Variants in MYT1L observed in about 807,000 individuals in gnomAD.
MYT1L encodes the protein myelin transcription factor 1 like, also known as myelin transcription factor 1-like protein.
MYT1L carries 12 observed loss-of-function variants against 126.7 expected under a neutral mutation model. That is an observed-to-expected ratio of 0.09 (90% CI 0.06 to 0.15). MYT1L has a LOEUF of 0.15. Ranked by LOEUF, MYT1L falls within the 10% of genes least tolerant of loss-of-function variation. The probability of loss-of-function intolerance (pLI) is 1.00; values close to 1 mark genes in which losing one functional copy is unlikely to be tolerated. For missense variants in MYT1L, 979 were observed against 1,585.2 expected (o/e 0.62, Z 6.49); for synonymous variants, 541 against 604.2 (o/e 0.90, Z 1.53).
In MYT1L at chr2:1,806,720, C is replaced by T. The variant is rs1172714521; in HGVS notation, c.3172+2356G>A. Among the ~76,000 whole-genome samples, 1 of 152,158 alleles carries T rather than the reference C, an allele frequency of 6.6e-6. No homozygotes were observed. Among genetic ancestry groups the T allele is most frequent in the African/African-American group, 2.4e-5 (1 of 41,432 alleles). On this transcript the variant is annotated intron_variant, in intron 22 of 24. Transcript: ENST00000647738. The surrounding 1 kb of genome is among the most constrained non-coding windows in gnomAD (Gnocchi z 4.9). ...GTGGACCAGCCCAGGTGTGAATGGC[C>T]CCTCCTCTAGGATTGGCAGATCTGT...
chr2:2,104,887 A>G (rs577312186), intron 3 of MYT1L, among the ~76,000 whole-genome samples: 2 of 152,310 alleles, frequency 1.3e-5, no homozygotes, highest in African/African-American at 4.8e-5. Context: ...AATCATTAAC[A>G]GCTGTTACTC....
At chr2:2,320,732 C>T (rs968765980) in intron 1 of MYT1L, among the ~76,000 whole-genome samples, 6 of 152,160 alleles carry the variant, frequency 3.9e-5, no homozygotes, top group Non-Finnish European at 8.8e-5. Flanking sequence ...TCTACATTTC[C>T]AAGTTATTTC....
intron 18 of MYT1L, among the ~76,000 whole-genome samples, chr2:1,879,379 TCA>T (rs2047281846): frequency 6.6e-6 from 1 of 152,196 alleles, no homozygotes; most frequent in South Asian, 2.1e-4. Flanking sequence ...GACTCTCCCA[TCA>T]CAGAGTGCTG....
chr2:1,911,306 G>C (rs1202849952), intron 12 of MYT1L, among the ~76,000 whole-genome samples: 1 of 152,048 alleles, frequency 6.6e-6, no homozygotes, highest in Admixed American at 6.5e-5. Flanking sequence ...CCTTCTTTTA[G>C]ATACAATTTT....
intron 1 of MYT1L, among the ~76,000 whole-genome samples, chr2:2,298,381 A>G (rs1303942965): frequency 6.6e-6 from 1 of 152,224 alleles, no homozygotes; most frequent in Non-Finnish European, 1.5e-5. Context: ...TAAAGTCTGA[A>G]CAGTCTTCTG....
intron 18 of MYT1L, among the ~76,000 whole-genome samples, chr2:1,872,415 G>A (rs1041819791): frequency 1.6e-4 from 25 of 152,244 alleles, no homozygotes; most frequent in African/African-American, 6.0e-4. Flanking sequence ...GGAAAGTGGT[G>A]AGGACAGGGA....
At chr2:2,070,033 C>T (rs1279804330) in intron 3 of MYT1L, among the ~76,000 whole-genome samples, 1 of 151,434 alleles carries the variant, frequency 6.6e-6, no homozygotes, top group Non-Finnish European at 1.5e-5. Flanking sequence ...CAACTCAAAA[C>T]CATAATGAGA....
rs2093487678 is a variant in MYT1L at position 2,211,053 on chromosome 2, C to T, written c.-420-38065G>A. 2.6e-5 allele frequency among the ~76,000 whole-genome samples: 4 copies of T among 152,088 alleles called. No individual in the cohort carries two copies. The South Asian group carries it at 8.3e-4, about 32-fold the overall frequency. ...TGTTCAGTGTTGACATATGGAAATG[C>T]TACTGATTTGTATTTTGATTTTGTA... On this transcript the variant is annotated intron_variant, in intron 2 of 24. Coordinates refer to ENST00000647738, the MANE Select transcript of MYT1L (RefSeq NM_001303052.2).
chr2:1,881,661 G>A (rs748704490), intron 18 of MYT1L, among the ~76,000 whole-genome samples: 6 of 152,150 alleles, frequency 3.9e-5, no homozygotes, highest in Non-Finnish European at 8.8e-5. Flanking sequence ...GGGCGTGTCA[G>A]CTTTCCACCA....
At chr2:2,211,101 T>G (rs1253012973) in intron 2 of MYT1L, among the ~76,000 whole-genome samples, 3 of 152,210 alleles carry the variant, frequency 2.0e-5, no homozygotes, top group Non-Finnish European at 4.4e-5. Flanking sequence ...ACTGAATTTA[T>G]CAGTTCTAAT....
chr2:1,984,750 C>A (rs1419477979), intron 5 of MYT1L, among the ~76,000 whole-genome samples: 1 of 151,960 alleles, frequency 6.6e-6, no homozygotes. Context: ...ACTTCGTGAT[C>A]CACCTGCCTC....
chr2:2,028,868 C>T lies in MYT1L; in HGVS notation c.-158+25110G>A, dbSNP rs551980715. Among the ~76,000 whole-genome samples the T allele has an allele frequency of 2.6e-5, 4 of 152,010 alleles. No homozygotes were observed. The East Asian group carries it at 5.8e-4, about 22-fold the overall frequency. ...ATTCATTAACTCGTTGTTAAGAGGC[C>T]CAGAAGGGGAACATCATAACCAGGA... On this transcript the variant is annotated intron_variant, in intron 4 of 24. Coordinates refer to ENST00000647738, the MANE Select transcript of MYT1L (RefSeq NM_001303052.2).
chr2:1,903,392 G>T, intron 13 of MYT1L, 98 bp from the exon 14 acceptor site: 1 of 970,116 alleles, frequency 1.0e-6, no homozygotes, highest in Non-Finnish European at 1.5e-6. Context: ...TTTTTTAAAT[G>T]TGTTAAACAA....
chr2:2,087,527 G>A (rs563660089), intron 3 of MYT1L, among the ~76,000 whole-genome samples: 2 of 152,274 alleles, frequency 1.3e-5, no homozygotes, highest in South Asian at 4.1e-4. Context: ...TGGCAAATTG[G>A]CGGGCTCCAT....
intron 3 of MYT1L, among the ~76,000 whole-genome samples, chr2:2,060,742 C>G (rs1348698839): frequency 1.6e-5 from 2 of 128,686 alleles, no homozygotes; most frequent in Non-Finnish European, 3.2e-5. Context: ...TTCCCTCCCT[C>G]CCATCTTTGC....
chr2:1,965,213 G>C (rs984880182), intron 8 of MYT1L, among the ~76,000 whole-genome samples: 1 of 136,436 alleles, frequency 7.3e-6, no homozygotes, highest in Non-Finnish European at 1.5e-5. Flanking sequence ...GGATCAGGCA[G>C]GGAAGAGGAG....
chr2:1,991,374 G>A (rs374849423), intron 5 of MYT1L, among the ~76,000 whole-genome samples: 12 of 152,088 alleles, frequency 7.9e-5, no homozygotes, highest in South Asian at 6.3e-4. Flanking sequence ...ATGGCTCGCC[G>A]CAGCCTTGGA....
intron 2 of MYT1L, among the ~76,000 whole-genome samples, chr2:2,275,203 T>A (rs1335109256): frequency 3.4e-4 from 4 of 11,648 alleles, no homozygotes. Context: ...AATAATAAAA[T>A]GTGTGTGTGT....
At position 1,962,183 on chromosome 2, in the gene MYT1L, G is replaced by C. The variant is rs188841968; in HGVS notation, c.152+16982C>G. On this transcript the variant is annotated intron_variant, in intron 8 of 24. Transcript: ENST00000647738. ...AATACCTTGCATGCATTTTTCTATT[G>C]CTAGAATGTTAATCTAAAGTAGACT... 1.4e-3 allele frequency among the ~76,000 whole-genome samples: 214 copies of C among 152,068 alleles called. 1 individual carries two copies. The highest frequency in any genetic ancestry group is 4.9e-3 in the African/African-American group (203 of 41,472).
Sources: allele counts gnomAD v4.1 joint callset (sites outside exome capture counted in the v4.1 genomes callset), GRCh38; gene constraint gnomAD v4.1.1; non-coding constraint Gnocchi (gnomAD v3.1); transcripts MANE v1.5; gene names NCBI Gene and HGNC (gene_info 2026-07-23, HGNC 2026-07-21).